Variants in TRMT10B observed in about 807,000 individuals in gnomAD.
The protein encoded by TRMT10B is tRNA methyltransferase 10B, also known as tRNA methyltransferase 10 homolog B.
In TRMT10B, 33 loss-of-function variants were observed where a neutral mutation model predicts 43.8. The observed-to-expected ratio is 0.75, with a 90% CI of 0.57 to 1.01. The LOEUF (loss-of-function observed/expected upper bound fraction) is 1.01. Among genes scored for constraint, TRMT10B ranks in the 50% least tolerant of loss-of-function variants. TRMT10B has a pLI of 0.00. For synonymous variants in TRMT10B, 137 were observed against 130.6 expected (o/e 1.05, Z -0.34); for missense variants, 362 against 369.8 (o/e 0.98, Z 0.17).
At chr9:37,753,495 ATTTT>A (rs1009635131), upstream of TRMT10B, among the ~76,000 whole-genome samples, 5 of 150,008 alleles carry the variant, frequency 3.3e-5, no homozygotes, top group Non-Finnish European at 7.5e-5. Context: ...GGGCCTTAGA[ATTTT>A]TTTGCTTCAC....
upstream of TRMT10B, among the ~76,000 whole-genome samples, chr9:37,753,068 C>T (rs1825112588): frequency 6.6e-6 from 1 of 152,156 alleles, no homozygotes; most frequent in African/African-American, 2.4e-5. Context: ...CACGAACCCA[C>T]CGAGAGCGAA....
At chr9:37,775,999 T>C (rs995728183) in intron 7 of TRMT10B, among the ~76,000 whole-genome samples, 1 of 152,230 alleles carries the variant, frequency 6.6e-6, no homozygotes, top group African/African-American at 2.4e-5. Flanking sequence ...CAGAATGTGC[T>C]CTGATTGATT....
At chr9:37,768,952 G>C (rs553802671) in intron 5 of TRMT10B, among the ~76,000 whole-genome samples, 1 of 152,196 alleles carries the variant, frequency 6.6e-6, no homozygotes, top group South Asian at 2.1e-4. Flanking sequence ...TTACTTTCCT[G>C]TCTTCGTGCC....
rs568819669 is a variant in TRMT10B, at chr9:37,777,318, T to C, written c.845-283T>C. Among the ~76,000 whole-genome samples the C allele has an allele frequency of 7.5e-5, 11 of 147,196 alleles. No individual in the cohort carries two copies. The East Asian group carries it at 2.2e-3, about 29-fold the overall frequency. The stretch of plus-strand genomic sequence containing the variant: ...CTTCAGGGTTCAGTTCAGGAGCATC[T>C]TGGCCCTTCCCCATCCCAGGCCACA... On this transcript the variant is annotated intron_variant, in intron 8 of 8. Transcript: ENST00000297994.
intron 1 of TRMT10B, among the ~76,000 whole-genome samples, chr9:37,757,511 AAACT>A (rs1825850836): frequency 6.6e-6 from 1 of 152,216 alleles, no homozygotes; most frequent in South Asian, 2.1e-4. Flanking sequence ...AAGCAGAAAT[AAACT>A]TTAGCCTAGG....
At chr9:37,768,862 C>T (rs974403311) in intron 5 of TRMT10B, among the ~76,000 whole-genome samples, 1 of 152,160 alleles carries the variant, frequency 6.6e-6, no homozygotes, top group African/African-American at 2.4e-5. Flanking sequence ...GCAGCTAGTT[C>T]CAGTTTTCTT....
intron 7 of TRMT10B, among the ~76,000 whole-genome samples, chr9:37,771,499 T>G (rs1827577441): frequency 6.6e-6 from 1 of 152,214 alleles, no homozygotes; most frequent in Admixed American, 6.5e-5. Context: ...GTATGTATAT[T>G]TAACACAGAT....
chr9:37,772,225 CTGGTCT>C (rs2118894842), intron 7 of TRMT10B, among the ~76,000 whole-genome samples: 1 of 152,192 alleles, frequency 6.6e-6, no homozygotes, highest in East Asian at 1.9e-4. Flanking sequence ...GTTTTCCAGG[CTGGTCT>C]TGAACTCCTG....
intron 1 of TRMT10B, among the ~76,000 whole-genome samples, chr9:37,757,641 A>C (rs536648959): frequency 6.6e-6 from 1 of 152,364 alleles, no homozygotes; most frequent in South Asian, 2.1e-4. Flanking sequence ...AGTCATGAAT[A>C]ACCAAAACTG....
chr9:37,772,012 TTTTAA>T (rs1295026873), intron 7 of TRMT10B, among the ~76,000 whole-genome samples: 6 of 151,970 alleles, frequency 3.9e-5, no homozygotes, highest in East Asian at 1.9e-4. Flanking sequence ...CCTAGCTAGT[TTTTAA>T]TTTAATTTTT....
At chr9:37,753,070 G>A (rs930041637), upstream of TRMT10B, among the ~76,000 whole-genome samples, 3 of 152,046 alleles carry the variant, frequency 2.0e-5, no homozygotes, top group East Asian at 1.9e-4. Flanking sequence ...CGAACCCACC[G>A]AGAGCGAAGG....
At chr9:37,769,618 GT>G (rs796085877) in intron 5 of TRMT10B, 4,872 of 178,484 alleles carry the variant, frequency 0.027, no homozygotes, top group South Asian at 0.057. Context: ...TTTGAGCGGG[GT>G]TTTTTTTTTT....
intron 7 of TRMT10B, among the ~76,000 whole-genome samples, chr9:37,774,274 T>C (rs1233539262): frequency 6.6e-6 from 1 of 152,192 alleles, no homozygotes; most frequent in African/African-American, 2.4e-5. Context: ...AGTGCTGAGA[T>C]TGCAGGCATG....
In TRMT10B at chr9:37,762,704, GT is replaced by G; in HGVS notation, c.295+21del. ...AATCCAGGTGACAATAAATGAGACTGTTGGTATAATAATATTTATTTTTTAG... is the reference window on the plus strand; with the variant it reads ...AATCCAGGTGACAATAAATGAGACTGTGGTATAATAATATTTATTTTTTAG... On this transcript the variant is annotated intron_variant, in intron 3 of 8. Transcript: ENST00000297994. 6.4e-7 allele frequency: 1 copy of G among 1,553,584 alleles called. No individual in the cohort carries two copies. The highest frequency in any genetic ancestry group is 8.7e-7 in the Non-Finnish European group (1 of 1,150,062).
At chr9:37,767,965 C>A in intron 4 of TRMT10B, 111 bp from the exon 5 acceptor site, 1 of 1,183,928 alleles carries the variant, frequency 8.4e-7, no homozygotes. Context: ...ACTCCTAGTA[C>A]ATGGGGTTTT....
At chr9:37,763,834 A>G in intron 4 of TRMT10B, 81 bp downstream of exon 4, 2 of 1,609,810 alleles carry the variant, frequency 1.2e-6, no homozygotes, top group Non-Finnish European at 1.7e-6. Flanking sequence ...GAATATGGTC[A>G]ACTCCAGCTT....
chr9:37,757,999 G>A (rs1825903553), intron 1 of TRMT10B, among the ~76,000 whole-genome samples: 1 of 152,144 alleles, frequency 6.6e-6, no homozygotes, highest in Non-Finnish European at 1.5e-5. Flanking sequence ...TACAAGAAAA[G>A]CAATATGAAC....
At chr9:37,768,461 G>A (rs1317952468) in intron 5 of TRMT10B, among the ~76,000 whole-genome samples, 1 of 152,146 alleles carries the variant, frequency 6.6e-6, no homozygotes, top group African/African-American at 2.4e-5. Context: ...ATTTATGCTA[G>A]ACTGTATACT....
At chr9:37,767,555 A>G (rs1433652884) in intron 4 of TRMT10B, 1 of 149,290 alleles carries the variant, frequency 6.7e-6, no homozygotes, top group Non-Finnish European at 1.5e-5. Context: ...TTAAATTAAG[A>G]TAGCAGATTA....
Sources: allele counts gnomAD v4.1 joint callset (sites outside exome capture counted in the v4.1 genomes callset), GRCh38; gene constraint gnomAD v4.1.1; transcripts MANE v1.5; gene names NCBI Gene and HGNC (gene_info 2026-07-23, HGNC 2026-07-21).